PET117: variants seen among roughly 807,000 people sequenced by gnomAD.
PET117 encodes protein PET117 homolog, mitochondrial.
A neutral mutation model predicts 9.2 loss-of-function variants in PET117; 10 were observed. The observed-to-expected ratio is 1.09, with a 90% CI of 0.67 to 1.85. The LOEUF is 1.85. Among genes scored for constraint, PET117 ranks in the 40% most tolerant of loss-of-function variants. The pLI is 0.00. For missense variants in PET117, 96 were observed against 98.2 expected, an observed-to-expected ratio of 0.98 and a Z score of 0.09; for synonymous variants, 43 against 37.1, an observed-to-expected ratio of 1.16 and a Z score of -0.57.
rs985920582 is a variant in PET117 at position 18,137,898 on chromosome 20, C to T, written c.-58C>T. 7.0e-6 allele frequency: 10 copies of T among 1,435,980 alleles called. No homozygotes were observed. Among genetic ancestry groups the T allele is most frequent in the Non-Finnish European group, 8.2e-6 (9 of 1,098,258 alleles). The allele number at this position is 1,435,980 out of a possible 1,614,324, so 89.0% of individuals were successfully genotyped here. ...AGTACAGGCGGCGGTGCGCACTCTG[C>T]GGCGGCCTCTGCGCCTCGGGCGGGC... On this transcript the variant is annotated 5_prime_UTR_variant, in exon 1 of 2. Transcript: ENST00000432901.
chr20:18,140,896 C>T (rs2037523384), intron 1 of PET117, among the ~76,000 whole-genome samples: 1 of 149,596 alleles, frequency 6.7e-6, no homozygotes, highest in African/African-American at 2.5e-5. Context: ...CTTGTTCTGT[C>T]ACCCAGGTGG....
chr20:18,138,418 C>A (rs1009852215), intron 1 of PET117: 5 of 1,014,312 alleles, frequency 4.9e-6, no homozygotes, highest in Non-Finnish European at 5.9e-6. Context: ...CTTTCCACAT[C>A]TCACTTGGGC....
At position 18,142,199 on chromosome 20, in the gene PET117, C is replaced by A. The variant is rs749629494; in HGVS notation, c.97-9C>A. ...GGATGTTACTGAAATCTGTTTCTTA[C>A]GTTTTTAGAGGCTTCGTGACGGAGT... On this transcript the variant is annotated splice_polypyrimidine_tract_variant and intron_variant, in intron 1 of 1. Coordinates refer to ENST00000432901, the MANE Select transcript of PET117 (RefSeq NM_001164811.2). 4 of 1,535,564 alleles carry A rather than the reference C, an allele frequency of 2.6e-6. No individual in the cohort carries two copies. Among genetic ancestry groups the A allele is most frequent in the Non-Finnish European group, 3.5e-6 (4 of 1,145,922 alleles).
chr20:18,142,853 G>GA lies in PET117; in HGVS notation c.*497dup. On this transcript the variant is annotated 3_prime_UTR_variant, in exon 2 of 2. Coordinates refer to ENST00000432901, the MANE Select transcript of PET117 (RefSeq NM_001164811.2). ...GGATTCCCTCAACAGTGATGAAGGA[G>GA]ACGTGTCTTGGATGGAGGAGCAGCT... The GA allele has an allele frequency of 6.2e-7, 1 of 1,614,196 alleles. No homozygotes were observed. The highest frequency in any genetic ancestry group is 1.1e-5 in the South Asian group (1 of 91,086).
intron 1 of PET117, 33 bp downstream of exon 1, chr20:18,138,084 G>C: frequency 1.4e-6 from 2 of 1,437,552 alleles, no homozygotes; most frequent in South Asian, 1.4e-5. Flanking sequence ...TTCCGGGCCC[G>C]CGCGCGCGGC....
chr20:18,138,295 G>A, intron 1 of PET117: 15 of 1,198,332 alleles, frequency 1.3e-5, no homozygotes, highest in Non-Finnish European at 1.4e-5. Flanking sequence ...CCGGCTTAGC[G>A]CCTTTGGAGC....
At position 18,142,450 on chromosome 20, in the gene PET117, G is replaced by C; in HGVS notation, c.*93G>C. The C allele has an allele frequency of 6.9e-7, 1 of 1,456,928 alleles. No homozygotes were observed. The highest frequency in any genetic ancestry group is 1.5e-5 in the South Asian group (1 of 68,546). 90.3% of individuals were successfully genotyped at this position (1,456,928 alleles called of 1,614,324 possible). On this transcript the variant is annotated 3_prime_UTR_variant, in exon 2 of 2. Transcript: ENST00000432901. ...TAGTAGTATCTTCATCTTTTTTTTT[G>C]GTCACTGTCCTTTTAAACTTGATCA... is the stretch of plus-strand genomic sequence containing the variant.
rs772493399 is a variant in PET117 at position 18,142,799 on chromosome 20, T to A, written c.*442T>A. 6.2e-7 allele frequency: 1 copy of A among 1,614,152 alleles called. No individual in the cohort carries two copies. The highest frequency in any genetic ancestry group is 8.5e-7 in the Non-Finnish European group (1 of 1,180,032). ...GATCGTCGAATCCGAGGATCAGGCA[T>A]CAGTGGACTTATCGCACGACCAGAG... On this transcript the variant is annotated 3_prime_UTR_variant, in exon 2 of 2. Transcript: ENST00000432901.
intron 1 of PET117, among the ~76,000 whole-genome samples, chr20:18,139,654 GTGTGTGTGTGTGTGTGTGTGTT>G (rs1373456134): frequency 4.1e-5 from 6 of 145,034 alleles, no homozygotes; most frequent in Non-Finnish European, 7.6e-5. Flanking sequence ...GTGTGTGTGT[GTGTGTGTGTGTGTGTGTGTGTT>G]TATTTTTTTT....
intron 1 of PET117, chr20:18,138,274 G>T: frequency 8.2e-7 from 1 of 1,222,234 alleles, no homozygotes; most frequent in Non-Finnish European, 1.0e-6. Flanking sequence ...GATTCAGGAC[G>T]ACCCGGCTGC....
At position 18,143,164 on chromosome 20, in the gene PET117, T is replaced by G. The variant is rs1461447325; in HGVS notation, c.*807T>G. ...GGTAACTCAATAAAATTGAGAAAAT[T>G]GGAAATCCTGTGTTACTTAAAGAAT... On this transcript the variant is annotated 3_prime_UTR_variant, in exon 2 of 2. Transcript: ENST00000432901. The G allele has an allele frequency of 3.3e-5, 41 of 1,229,544 alleles. No homozygotes were observed. The highest frequency in any genetic ancestry group is 3.9e-5 in the Non-Finnish European group (38 of 980,400). The allele number at this position is 1,229,544 out of a possible 1,614,324, so 76.2% of individuals were successfully genotyped here. A position where few individuals can be genotyped will look rare whatever the true frequency, so the allele number is the denominator to read the frequency against.
chr20:18,142,857 T>C lies in PET117; in HGVS notation c.*500T>C. 1 of 1,614,122 alleles carries C rather than the reference T, an allele frequency of 6.2e-7. No homozygotes were observed. On this transcript the variant is annotated 3_prime_UTR_variant, in exon 2 of 2. Transcript: ENST00000432901. ...TCCCTCAACAGTGATGAAGGAGACGTGTCTTGGATGGAGGAGCAGCTGTCC... is the reference window on the plus strand; with the variant it reads ...TCCCTCAACAGTGATGAAGGAGACGCGTCTTGGATGGAGGAGCAGCTGTCC...
intron 1 of PET117, chr20:18,138,563 G>GC: frequency 4.6e-6 from 3 of 657,322 alleles, no homozygotes; most frequent in Non-Finnish European, 5.7e-6. Flanking sequence ...TGGTAAGGGA[G>GC]CCCCCCTTCC....
intron 1 of PET117, among the ~76,000 whole-genome samples, chr20:18,140,102 A>G (rs1052624373): frequency 1.3e-5 from 2 of 151,974 alleles, no homozygotes; most frequent in South Asian, 2.1e-4. Context: ...TCATAAGCAC[A>G]CGTGACATCT....
Position 18,143,152 on chromosome 20 carries a change from A to G in PET117, c.*795A>G. On this transcript the variant is annotated 3_prime_UTR_variant, in exon 2 of 2. Coordinates refer to ENST00000432901, the MANE Select transcript of PET117 (RefSeq NM_001164811.2). ...AACACTTTTGGTGGTAACTCAATAA[A>G]ATTGAGAAAATTGGAAATCCTGTGT... is the stretch of plus-strand genomic sequence containing the variant. The G allele has an allele frequency of 1.6e-6, 2 of 1,243,238 alleles. No homozygotes were observed. The highest frequency in any genetic ancestry group is 2.0e-6 in the Non-Finnish European group (2 of 988,798). The allele number at this position is 1,243,238 out of a possible 1,614,324, so 77.0% of individuals were successfully genotyped here.
At position 18,137,916 on chromosome 20, in the gene PET117, G is replaced by T. The variant is rs987114672; in HGVS notation, c.-40G>T. On this transcript the variant is annotated 5_prime_UTR_variant, in exon 1 of 2. Coordinates refer to ENST00000432901, the MANE Select transcript of PET117 (RefSeq NM_001164811.2). ...CACTCTGCGGCGGCCTCTGCGCCTCGGGCGGGCGGGAGAGAGAGGCCGCGG... is the reference window on the plus strand; with the variant it reads ...CACTCTGCGGCGGCCTCTGCGCCTCTGGCGGGCGGGAGAGAGAGGCCGCGG... 13 of 1,461,050 alleles carry T rather than the reference G, an allele frequency of 8.9e-6. No homozygotes were observed. The African/African-American group carries it at 1.9e-4, about 22-fold the overall frequency. The allele number at this position is 1,461,050 out of a possible 1,614,324, so 90.5% of individuals were successfully genotyped here.
At chr20:18,141,543 T>C (rs2037580100) in intron 1 of PET117, among the ~76,000 whole-genome samples, 2 of 152,338 alleles carry the variant, frequency 1.3e-5, no homozygotes, top group Non-Finnish European at 2.9e-5. Flanking sequence ...AGTGTTACTG[T>C]AGTAACTCGC....
chr20:18,137,962 A>G lies in PET117; in HGVS notation c.7A>G (p.Arg3Gly), dbSNP rs767512893. 2 of 1,491,316 alleles carry G rather than the reference A, an allele frequency of 1.3e-6. No homozygotes were observed. Among genetic ancestry groups the G allele is most frequent in the South Asian group, 1.3e-5 (1 of 79,874 alleles). The allele number at this position is 1,491,316 out of a possible 1,614,324, so 92.4% of individuals were successfully genotyped here. Reference sequence around the variant, plus strand: ...CGCGGCCGCCAGCGTGGGGATGTCTAGGAGCTCGAAGGTGGTGCTGGGCCT... The same window carrying G: ...CGCGGCCGCCAGCGTGGGGATGTCTGGGAGCTCGAAGGTGGTGCTGGGCCT... Reference protein sequence around the residue: MSRSSKVVLGLSV... With the variant: MSGSSKVVLGLSV... Residue 3 changes from arginine to glycine, a missense_variant, in exon 1 of 2, where the codon AGG becomes GGG. By Grantham distance (125) the Arg-to-Gly change is moderately radical. Coordinates refer to ENST00000432901, the MANE Select transcript of PET117 (RefSeq NM_001164811.2).
chr20:18,140,979 T>G, intron 1 of PET117, among the ~76,000 whole-genome samples: 1 of 144,016 alleles, frequency 6.9e-6, no homozygotes, highest in Admixed American at 7.0e-5. Flanking sequence ...CACCTCAGCC[T>G]CCGGAGTAGC....
Sources: allele counts gnomAD v4.1 joint callset (sites outside exome capture counted in the v4.1 genomes callset), GRCh38; gene constraint gnomAD v4.1.1; transcripts MANE v1.5; gene names NCBI Gene and HGNC (gene_info 2026-07-23, HGNC 2026-07-21).